Variants in SETBP1 observed in about 807,000 individuals in gnomAD.
SETBP1 encodes the protein SET-binding protein.
SETBP1 carries 9 observed loss-of-function variants against 101.0 expected under a neutral mutation model. The observed-to-expected ratio is 0.09, with a 90% CI of 0.05 to 0.16. SETBP1 has a LOEUF of 0.16. Among genes scored for constraint, SETBP1 ranks in the 10% least tolerant of loss-of-function variants. The pLI is 1.00. For synonymous variants in SETBP1, 818 were observed against 788.5 expected (o/e 1.04, Z -0.63); for missense variants, 1,858 against 2,033.8 (o/e 0.91, Z 1.66).
At chr18:45,030,613 G>A (rs7229531) in intron 4 of SETBP1, among the ~76,000 whole-genome samples, 64,451 of 144,986 alleles carry the variant, frequency 0.44, 14,910 homozygotes, top group Middle Eastern at 0.51. Context: ...TACCTCCGGT[G>A]GAATTCAGCT....
chr18:44,702,033 G>A (rs570700451), intron 2 of SETBP1, among the ~76,000 whole-genome samples: 23 of 152,134 alleles, frequency 1.5e-4, no homozygotes, highest in South Asian at 6.2e-4. Flanking sequence ...ACTGTTGACC[G>A]GAAGCCTTAC....
chr18:44,743,854 A>G (rs2070155888), intron 2 of SETBP1, among the ~76,000 whole-genome samples: 1 of 152,204 alleles, frequency 6.6e-6, no homozygotes, highest in South Asian at 2.1e-4. Flanking sequence ...TGCAGGCAGG[A>G]TCTCGGAGAA....
At chr18:44,851,921 C>G (rs1194600861) in intron 2 of SETBP1, among the ~76,000 whole-genome samples, 2 of 152,216 alleles carry the variant, frequency 1.3e-5, no homozygotes, top group Non-Finnish European at 2.9e-5. Context: ...GGAGCCCACC[C>G]TCTTTCTGAG....
At chr18:44,890,396 T>C (rs879412468) in intron 3 of SETBP1, among the ~76,000 whole-genome samples, 1 of 152,150 alleles carries the variant, frequency 6.6e-6, no homozygotes, top group Admixed American at 6.6e-5. Context: ...TTTTGTGTCC[T>C]GGGTTTTTCT....
At chr18:44,730,685 C>T (rs1702075642) in intron 2 of SETBP1, among the ~76,000 whole-genome samples, 1 of 152,102 alleles carries the variant, frequency 6.6e-6, no homozygotes, top group Non-Finnish European at 1.5e-5. Context: ...CATCATTCCC[C>T]ACTGGTCTAA....
At chr18:44,706,672 C>T (rs2069227023) in intron 2 of SETBP1, among the ~76,000 whole-genome samples, 1 of 139,920 alleles carries the variant, frequency 7.1e-6, no homozygotes, top group Non-Finnish European at 1.5e-5. Context: ...CTGGGCAAGG[C>T]TTAGCAGCTC....
intron 5 of SETBP1, among the ~76,000 whole-genome samples, chr18:45,052,653 C>A (rs2073740811): frequency 6.6e-6 from 1 of 152,142 alleles, no homozygotes; most frequent in Admixed American, 6.5e-5. Flanking sequence ...GTGGTTCATC[C>A]ATCATCTACT....
At chr18:45,059,867 G>T (rs1383550685) in intron 5 of SETBP1, among the ~76,000 whole-genome samples, 2 of 152,170 alleles carry the variant, frequency 1.3e-5, no homozygotes, top group Non-Finnish European at 2.9e-5. Flanking sequence ...TTGGGGGGAA[G>T]TAGATGTTGA....
chr18:44,774,969 G>A (rs1162404973), intron 2 of SETBP1, among the ~76,000 whole-genome samples: 2 of 151,496 alleles, frequency 1.3e-5, no homozygotes, highest in African/African-American at 2.4e-5. Context: ...ATGCTTTGGA[G>A]CTAGGCTAAT....
intron 3 of SETBP1, among the ~76,000 whole-genome samples, chr18:44,946,947 T>A (rs572757794): frequency 4.6e-5 from 7 of 152,304 alleles, no homozygotes; most frequent in African/African-American, 1.7e-4. Context: ...CATGTTGCAA[T>A]ACATAGATCA....
intron 2 of SETBP1, among the ~76,000 whole-genome samples, chr18:44,793,459 T>G (rs1194730879): frequency 2.0e-5 from 3 of 152,060 alleles, no homozygotes; most frequent in African/African-American, 7.2e-5. Context: ...CAAAGTGTGG[T>G]CTCAGGACCA....
At chr18:44,702,084 A>G (rs945547220) in intron 2 of SETBP1, among the ~76,000 whole-genome samples, 5 of 152,288 alleles carry the variant, frequency 3.3e-5, no homozygotes, top group African/African-American at 7.2e-5. Context: ...TTTATATATT[A>G]TATGTATTAT....
At chr18:45,039,090 G>T (rs1201119416) in intron 5 of SETBP1, among the ~76,000 whole-genome samples, 2 of 152,152 alleles carry the variant, frequency 1.3e-5, no homozygotes, top group Non-Finnish European at 2.9e-5. Context: ...GGACAGTCAG[G>T]ATTCCAAAGC....
rs146209712 is a variant in SETBP1 at position 44,746,857 on chromosome 18, T to A, written c.486+45025T>A. 9.1e-4 allele frequency among the ~76,000 whole-genome samples: 138 copies of A among 152,288 alleles called. 1 individual carries two copies. Among genetic ancestry groups the A allele is most frequent in the African/African-American group, 3.1e-3 (129 of 41,556 alleles). Reference sequence around the variant, plus strand: ...ACAATAGGAAAGCTACGTGCACATGTGATTGGAGACGATTCTGCATATTGT... The same window carrying A: ...ACAATAGGAAAGCTACGTGCACATGAGATTGGAGACGATTCTGCATATTGT... On this transcript the variant is annotated intron_variant, in intron 2 of 5. Coordinates refer to ENST00000649279, the MANE Select transcript of SETBP1 (RefSeq NM_015559.3).
chr18:44,699,023 C>G (rs2069066507), intron 1 of SETBP1, among the ~76,000 whole-genome samples: 1 of 151,920 alleles, frequency 6.6e-6, no homozygotes, highest in African/African-American at 2.4e-5. Context: ...TGTATAAGCC[C>G]ATCAATTCAT....
chr18:44,739,869 C>T (rs773859033), intron 2 of SETBP1, among the ~76,000 whole-genome samples: 32 of 152,150 alleles, frequency 2.1e-4, no homozygotes, highest in African/African-American at 6.8e-4. Context: ...CAGGATCATA[C>T]GTGGGAAGTG....
At chr18:44,954,338 A>AC (rs1487705727) in intron 4 of SETBP1, among the ~76,000 whole-genome samples, 2 of 149,108 alleles carry the variant, frequency 1.3e-5, no homozygotes, top group East Asian at 2.0e-4. Context: ...CTAAAAAAAA[A>AC]AAAAAAAAAA....
chr18:44,857,581 C>A (rs1179313726), intron 2 of SETBP1, among the ~76,000 whole-genome samples: 1 of 152,090 alleles, frequency 6.6e-6, no homozygotes, highest in Admixed American at 6.5e-5. Context: ...AGGGTTTGGG[C>A]ATGTGATTAC....
intron 2 of SETBP1, among the ~76,000 whole-genome samples, chr18:44,804,303 C>A (rs371946226): frequency 6.6e-6 from 1 of 152,008 alleles, no homozygotes; most frequent in South Asian, 2.1e-4. Context: ...TTAGGCCAGG[C>A]GATTTTGACC....
Sources: allele counts gnomAD v4.1 joint callset (sites outside exome capture counted in the v4.1 genomes callset), GRCh38; gene constraint gnomAD v4.1.1; transcripts MANE v1.5; gene names NCBI Gene and HGNC (gene_info 2026-07-23, HGNC 2026-07-21).